Variants in ACOX2 observed in about 807,000 individuals in gnomAD.
ACOX2 encodes the protein peroxisomal acyl-coenzyme A oxidase 2.
ACOX2 carries 59 observed loss-of-function variants against 77.5 expected under a neutral mutation model. The ratio of observed to expected loss-of-function variants is 0.76; its 90% CI spans 0.62 to 0.95. The LOEUF is 0.95. ACOX2 is among the 40% of genes least tolerant of loss of function. The pLI is 0.00. For synonymous variants in ACOX2, 317 were observed against 340.1 expected (o/e 0.93, Z 0.75); for missense variants, 837 against 880.4 (o/e 0.95, Z 0.62).
intron 13 of ACOX2, among the ~76,000 whole-genome samples, chr3:58,510,353 C>G (rs982070532): frequency 1.3e-5 from 2 of 151,842 alleles, no homozygotes; most frequent in Non-Finnish European, 2.9e-5. Context: ...ATTCAACAGG[C>G]CGGGCGCGAT....
At position 58,535,442 on chromosome 3, in the gene ACOX2, G is replaced by C. The variant is rs2063475060; in HGVS notation, c.-91-245C>G. On this transcript the variant is annotated intron_variant, in intron 1 of 14. Coordinates refer to ENST00000302819, the MANE Select transcript of ACOX2 (RefSeq NM_003500.4). The surrounding 1 kb of genome is among the most constrained non-coding windows in gnomAD (Gnocchi z 4.8). ...CAAAGATTGGGCTCTATCCACTGCA[G>C]TTTGAGTTACATGAATTGCCTAGGG... Among the ~76,000 whole-genome samples, 1 of 152,182 alleles carries C rather than the reference G, an allele frequency of 6.6e-6. No homozygotes were observed. The highest frequency in any genetic ancestry group is 2.4e-5 in the African/African-American group (1 of 41,428).
In ACOX2 at chr3:58,534,499, C is replaced by A; in HGVS notation, c.184G>T (p.Glu62Ter). 6.2e-7 allele frequency: 1 copy of A among 1,614,184 alleles called. No homozygotes were observed. The highest frequency in any genetic ancestry group is 8.5e-7 in the Non-Finnish European group (1 of 1,180,042). ...KVESIIHSYP[E>*]FSCKDNYFMT... ...AAATAATTGTCCTTACAGCTAAACT[C>A]CGGGTAACTGTGGATGATGCTCTCT... is the stretch of plus-strand genomic sequence containing the variant. The change falls in exon 3 of 15, where the codon GAG becomes TAG. Residue 62 changes from glutamate to a stop codon, truncating the protein, a stop_gained. Coordinates refer to ENST00000302819, the MANE Select transcript of ACOX2 (RefSeq NM_003500.4). LOFTEE classifies it high-confidence loss of function. The surrounding 1 kb of genome is among the most constrained non-coding windows in gnomAD (Gnocchi z 4.8).
At chr3:58,529,012 C>T in intron 8 of ACOX2, 56 bp from the exon 9 acceptor site, 1 of 1,492,358 alleles carries the variant, frequency 6.7e-7, no homozygotes, top group Non-Finnish European at 9.0e-7. Context: ...CCACCTTCCC[C>T]TATCCCCGAC....
Position 58,533,707 on chromosome 3 carries a change from G to A in ACOX2, c.476-155C>T, listed in dbSNP as rs2063457335. The A allele has an allele frequency of 2.8e-6, 2 of 714,110 alleles. No homozygotes were observed. Among genetic ancestry groups the A allele is most frequent in the Middle Eastern group, 3.5e-4 (1 of 2,822 alleles). The allele number at this position is 714,110 out of a possible 1,614,324, so 44.2% of individuals were successfully genotyped here. A position where few individuals can be genotyped will look rare whatever the true frequency, so the allele number is the denominator to read the frequency against. On this transcript the variant is annotated intron_variant, in intron 4 of 14. Coordinates refer to ENST00000302819, the MANE Select transcript of ACOX2 (RefSeq NM_003500.4). The surrounding 1 kb of genome is among the most constrained non-coding windows in gnomAD (Gnocchi z 5.6). Reference sequence around the variant, plus strand: ...TGCAGGCAGTTCTCCCCTTTCATCTGTGGGCTGTGTGTGGGACACACAGTC... The same window carrying A: ...TGCAGGCAGTTCTCCCCTTTCATCTATGGGCTGTGTGTGGGACACACAGTC...
At position 58,531,922 on chromosome 3, in the gene ACOX2, G is replaced by T; in HGVS notation, c.584-110C>A. On this transcript the variant is annotated intron_variant, in intron 5 of 14. Transcript: ENST00000302819. This position sits in a 1 kb window ranked among gnomAD's most constrained non-coding sequence, Gnocchi z 5.8. Reference sequence around the variant, plus strand: ...TTTGGATGGGTACCTCTGGGGCCCTGAAAAGTCACTGATCAAAGAGAGAGG... The same window carrying T: ...TTTGGATGGGTACCTCTGGGGCCCTTAAAAGTCACTGATCAAAGAGAGAGG... The T allele has an allele frequency of 7.1e-7, 1 of 1,407,016 alleles. No homozygotes were observed. The highest frequency in any genetic ancestry group is 9.3e-7 in the Non-Finnish European group (1 of 1,074,982). The allele number at this position is 1,407,016 out of a possible 1,614,324, so 87.2% of individuals were successfully genotyped here. A position where few individuals can be genotyped will look rare whatever the true frequency, so the allele number is the denominator to read the frequency against.
chr3:58,532,887 G>T (rs1334075595), intron 5 of ACOX2, among the ~76,000 whole-genome samples: 2 of 152,218 alleles, frequency 1.3e-5, no homozygotes, highest in South Asian at 2.1e-4. Context: ...CCTCGTTGGG[G>T]CTTGGTAAAT....
chr3:58,520,532 A>C (rs1032361005), intron 12 of ACOX2, among the ~76,000 whole-genome samples: 2 of 152,238 alleles, frequency 1.3e-5, no homozygotes, highest in African/African-American at 2.4e-5. Context: ...TTGAGGTCAC[A>C]CAGAGCTGGG....
intron 1 of ACOX2, among the ~76,000 whole-genome samples, chr3:58,536,481 C>T (rs1577004734): frequency 6.6e-6 from 1 of 152,300 alleles, no homozygotes. Flanking sequence ...GCAAATGATT[C>T]ATATGAGGCT....
In ACOX2 at chr3:58,522,635, G is replaced by T; in HGVS notation, c.1527-34C>A. On this transcript the variant is annotated intron_variant, in intron 11 of 14. Coordinates refer to ENST00000302819, the MANE Select transcript of ACOX2 (RefSeq NM_003500.4). This position sits in a 1 kb window ranked among gnomAD's most constrained non-coding sequence, Gnocchi z 4.3. ...CAAAGCAAAAAAGGTTCAGCTTCCT[G>T]ACTGAGTGGAAAAGACAACTGATGG... The T allele has an allele frequency of 6.3e-7, 1 of 1,597,374 alleles. No individual in the cohort carries two copies. The highest frequency in any genetic ancestry group is 1.1e-5 in the South Asian group (1 of 90,634).
rs1560209716 is a variant in ACOX2, at chr3:58,510,681, T to A, written c.1851-1656A>T. On this transcript the variant is annotated intron_variant, in intron 13 of 14. Transcript: ENST00000302819. ...AAAAAAAAATATATATATATATATATATATATATATATATATATATATATA... is the reference window on the plus strand; with the variant it reads ...AAAAAAAAATATATATATATATATAAATATATATATATATATATATATATA... 2.9e-3 allele frequency among the ~76,000 whole-genome samples: 18 copies of A among 6,300 alleles called. 6 individuals are homozygous for A. The highest frequency in any genetic ancestry group is 5.2e-3 in the Non-Finnish European group (16 of 3,080). 4.1% of individuals were successfully genotyped at this position (6,300 alleles called of 152,430 possible).
Position 58,505,904 on chromosome 3 carries a change from C to T in ACOX2, c.1984-618G>A, listed in dbSNP as rs1460520498. 6.6e-6 allele frequency among the ~76,000 whole-genome samples: 1 copy of T among 152,098 alleles called. No individual in the cohort carries two copies. The highest frequency in any genetic ancestry group is 1.5e-5 in the Non-Finnish European group (1 of 68,022). On this transcript the variant is annotated intron_variant, in intron 14 of 14. Coordinates refer to ENST00000302819, the MANE Select transcript of ACOX2 (RefSeq NM_003500.4). This position sits in a 1 kb window ranked among gnomAD's most constrained non-coding sequence, Gnocchi z 4.4. ...CTCCTGGGTTCAAGCGATTCTTGTG[C>T]CTCAGCCTCCCGAGTACCTTGGATT...
intron 1 of ACOX2, among the ~76,000 whole-genome samples, chr3:58,536,828 C>A (rs933384685): frequency 6.6e-6 from 1 of 152,206 alleles, no homozygotes; most frequent in African/African-American, 2.4e-5. Context: ...ACTCTGCTCT[C>A]CTTTTTCTCT....
At chr3:58,529,126 A>T (rs999803028) in intron 8 of ACOX2, 170 bp from the exon 9 acceptor site, 8 of 591,808 alleles carry the variant, frequency 1.4e-5, no homozygotes, top group Non-Finnish European at 2.2e-5. Context: ...TAACATGAAC[A>T]TCCACACATT....
intron 13 of ACOX2, among the ~76,000 whole-genome samples, chr3:58,509,847 C>T (rs1258050354): frequency 6.6e-6 from 1 of 151,976 alleles, no homozygotes; most frequent in East Asian, 2.0e-4. Context: ...CTCAGGTGAT[C>T]TGCCCACCTC....
rs573706561 is a variant in ACOX2, at chr3:58,516,844, A to AT, written c.1850+361_1850+362insA. Reference sequence around the variant, plus strand: ...AGAGCCAGTCCCTGTCTAAAAAAAAAGAAAAGAAAAAAAAAGTTAGCTATG... The same window carrying AT: ...AGAGCCAGTCCCTGTCTAAAAAAAAATGAAAAGAAAAAAAAAGTTAGCTATG... On this transcript the variant is annotated intron_variant, in intron 13 of 14. Coordinates refer to ENST00000302819, the MANE Select transcript of ACOX2 (RefSeq NM_003500.4). Among the ~76,000 whole-genome samples the AT allele has an allele frequency of 1.7e-4, 26 of 152,276 alleles. No individual in the cohort carries two copies. The East Asian group carries it at 5.0e-3, about 29-fold the overall frequency.
At chr3:58,530,750 C>T (rs1197124538) in intron 7 of ACOX2, 112 bp from the exon 8 acceptor site, 48 of 1,298,642 alleles carry the variant, frequency 3.7e-5, no homozygotes, top group Non-Finnish European at 4.8e-5. Context: ...CCTCAACCGG[C>T]GCATCTGGAG....
At chr3:58,516,868 T>C (rs976091540) in intron 13 of ACOX2, among the ~76,000 whole-genome samples, 1 of 152,116 alleles carries the variant, frequency 6.6e-6, no homozygotes, top group Non-Finnish European at 1.5e-5. Context: ...AAGTTAGCTA[T>C]GGTTGAGACT....
intron 13 of ACOX2, among the ~76,000 whole-genome samples, chr3:58,516,630 G>C (rs1375860228): frequency 6.6e-6 from 1 of 152,142 alleles, no homozygotes; most frequent in African/African-American, 2.4e-5. Flanking sequence ...TTGAGGTCAG[G>C]AGTTGGAGAC....
At position 58,505,264 on chromosome 3, in the gene ACOX2, T is replaced by A. The variant is rs1328658903; in HGVS notation, c.2006A>T (p.Tyr669Phe). 1.9e-6 allele frequency: 3 copies of A among 1,613,076 alleles called. No homozygotes were observed. The Admixed American group carries it at 5.0e-5, about 27-fold the overall frequency. Reference sequence around the variant, plus strand: ...CCAACTTTGTAAAAGTGGTCTTATATATTCCTCATAGGCAGGGTTCTCCTG... The same window carrying A: ...CCAACTTTGTAAAAGTGGTCTTATAAATTCCTCATAGGCAGGGTTCTCCTG... ...NTQENPAYEE[Y>F]IRPLLQSWRS... Residue 669 changes from tyrosine (Y) to phenylalanine (F), a missense_variant, in exon 15 of 15, where the codon TAT (tyrosine) becomes TTT (phenylalanine). Physicochemically the swap from Tyr to Phe is conservative, Grantham distance 22 (BLOSUM62 3). Transcript: ENST00000302819. This position sits in a 1 kb window ranked among gnomAD's most constrained non-coding sequence, Gnocchi z 4.4.
Sources: gnomAD v4.1 joint callset for allele counts (sites outside exome capture counted in the v4.1 genomes callset) on GRCh38, gnomAD v4.1.1 for gene constraint, Gnocchi (gnomAD v3.1) non-coding constraint, MANE v1.5 for transcripts, NCBI Gene and HGNC (gene_info 2026-07-23, HGNC 2026-07-21) for gene names.